The following RAD51B variants were observed in gnomAD, a reference collection of about 807,000 sequenced individuals.
RAD51B encodes the protein RAD51 paralog B, also known as DNA repair protein RAD51 homolog 2.
RAD51B carries 38 observed loss-of-function variants against 42.2 expected under a neutral mutation model. The observed-to-expected ratio is 0.90, with a 90% CI of 0.70 to 1.18. The LOEUF is 1.18. RAD51B is among the 50% of genes most tolerant of loss of function. The pLI is 0.00. For synonymous variants in RAD51B, 154 were observed against 145.2 expected (o/e 1.06, Z -0.43); for missense variants, 373 against 400.7 (o/e 0.93, Z 0.59).
chr14:68,339,723 C>T (rs1272164182), intron 8 of RAD51B, among the ~76,000 whole-genome samples: 2 of 152,164 alleles, frequency 1.3e-5, no homozygotes, highest in East Asian at 3.8e-4. Flanking sequence ...GTACTGTTCT[C>T]TCTCTAAGCC....
intron 10 of RAD51B, among the ~76,000 whole-genome samples, chr14:68,549,449 T>A (rs1237080019): frequency 8.6e-6 from 1 of 115,700 alleles, no homozygotes; most frequent in Non-Finnish European, 1.7e-5. Flanking sequence ...GGAGTTTCGC[T>A]CTGTCGCCCA....
At chr14:68,258,307 G>A (rs1475017335) in intron 7 of RAD51B, among the ~76,000 whole-genome samples, 1 of 151,914 alleles carries the variant, frequency 6.6e-6, no homozygotes. Context: ...AGGCTGAGGC[G>A]GGAGGATCGC....
intron 7 of RAD51B, among the ~76,000 whole-genome samples, chr14:68,206,229 G>A (rs928771143): frequency 6.6e-6 from 1 of 152,224 alleles, no homozygotes. Flanking sequence ...TATCACATCT[G>A]CAGGCACATA....
chr14:67,951,881 A>G (rs890980308), intron 7 of RAD51B, among the ~76,000 whole-genome samples: 7 of 152,156 alleles, frequency 4.6e-5, no homozygotes, highest in Admixed American at 2.0e-4. Context: ...ATTTTCTAGC[A>G]TATGGAAACA....
rs547094375 is a variant in RAD51B at position 68,523,920 on chromosome 14, G to A, written c.1036+55670G>A. Among the ~76,000 whole-genome samples the A allele has an allele frequency of 1.2e-4, 18 of 152,322 alleles. No individual in the cohort carries two copies. The South Asian group carries it at 1.5e-3, about 12-fold the overall frequency. ...CATATTGCTTAGGAATGTGTCTGTC[G>A]TGCTCAAAATGGAGTGAATATCAAT... On this transcript the variant is annotated intron_variant, in intron 10 of 10. Transcript: ENST00000487270.
chr14:67,917,854 G>C (rs957578595), intron 7 of RAD51B, among the ~76,000 whole-genome samples: 1 of 152,090 alleles, frequency 6.6e-6, no homozygotes, highest in Non-Finnish European at 1.5e-5. Context: ...ATGTCTGTTT[G>C]GCATTCTTGC....
chr14:68,514,870 G>A (rs571634010), intron 10 of RAD51B, among the ~76,000 whole-genome samples: 14 of 152,136 alleles, frequency 9.2e-5, no homozygotes, highest in Admixed American at 2.6e-4. Context: ...TTTCATTTCC[G>A]ATAAGAAATA....
chr14:68,548,776 A>AT (rs962673494), intron 10 of RAD51B, among the ~76,000 whole-genome samples: 16 of 152,166 alleles, frequency 1.1e-4, no homozygotes, highest in Admixed American at 4.6e-4. Context: ...ACCCAGGATT[A>AT]TCCCCCCACC....
intron 7 of RAD51B, among the ~76,000 whole-genome samples, chr14:68,163,980 G>A (rs2078699558): frequency 6.6e-6 from 1 of 152,136 alleles, no homozygotes; most frequent in Admixed American, 6.5e-5. Flanking sequence ...TTTTTCTTGA[G>A]AAGAAATGTT....
chr14:68,655,651 G>A (rs966916032), intron 11 of RAD51B, among the ~76,000 whole-genome samples: 2 of 152,184 alleles, frequency 1.3e-5, no homozygotes, highest in African/African-American at 4.8e-5. Context: ...CACAGCCAGG[G>A]CCTGCCAGGG....
chr14:68,299,984 A>G (rs978298648), intron 8 of RAD51B, among the ~76,000 whole-genome samples: 6 of 152,162 alleles, frequency 3.9e-5, no homozygotes, highest in Non-Finnish European at 7.3e-5. Context: ...CCATTCAGCC[A>G]TAACAGTAAA....
chr14:68,522,746 G>T (rs1486167832), intron 10 of RAD51B, among the ~76,000 whole-genome samples: 1 of 152,192 alleles, frequency 6.6e-6, no homozygotes, highest in Non-Finnish European at 1.5e-5. Context: ...TGGGATTTGA[G>T]GGTGGCTTAG....
chr14:68,466,685 A>G (rs779777286), intron 9 of RAD51B, among the ~76,000 whole-genome samples: 19 of 152,198 alleles, frequency 1.2e-4, no homozygotes, highest in Non-Finnish European at 2.5e-4. Flanking sequence ...TTATGAAAAC[A>G]TAATCCAGAA....
chr14:68,307,903 T>G (rs1414255198), intron 8 of RAD51B, among the ~76,000 whole-genome samples: 2 of 152,228 alleles, frequency 1.3e-5, no homozygotes, highest in South Asian at 4.1e-4. Context: ...GGCTTTCATA[T>G]TCACGATTGA....
At chr14:68,384,471 G>T (rs911480631) in intron 8 of RAD51B, among the ~76,000 whole-genome samples, 1 of 152,156 alleles carries the variant, frequency 6.6e-6, no homozygotes, top group Non-Finnish European at 1.5e-5. Context: ...CTTATGAGAG[G>T]CACAGGGCAG....
chr14:68,604,457 C>T (rs1206267775), intron 10 of RAD51B, among the ~76,000 whole-genome samples: 3 of 152,254 alleles, frequency 2.0e-5, no homozygotes, highest in African/African-American at 7.2e-5. Flanking sequence ...GCTGCACCAG[C>T]CAGGCGGGGC....
intron 8 of RAD51B, among the ~76,000 whole-genome samples, chr14:68,391,225 A>G (rs756722642): frequency 7.4e-6 from 1 of 135,532 alleles, no homozygotes; most frequent in Non-Finnish European, 1.6e-5. Context: ...TTTCTTTTTC[A>G]CATTGTTTCT....
chr14:68,088,281 A>G (rs933132287), intron 7 of RAD51B, among the ~76,000 whole-genome samples: 13 of 151,648 alleles, frequency 8.6e-5, no homozygotes, highest in African/African-American at 3.1e-4. Flanking sequence ...ATAGAGAGAA[A>G]AGAGATAAAA....
chr14:68,023,010 C>G (rs759345797), intron 7 of RAD51B, among the ~76,000 whole-genome samples: 1 of 152,094 alleles, frequency 6.6e-6, no homozygotes, highest in Non-Finnish European at 1.5e-5. Flanking sequence ...GTTTAGTATT[C>G]TGTGGTATAT....
Sources: gnomAD v4.1 joint callset for allele counts (sites outside exome capture counted in the v4.1 genomes callset) on GRCh38, gnomAD v4.1.1 for gene constraint, MANE v1.5 for transcripts, NCBI Gene and HGNC (gene_info 2026-07-23, HGNC 2026-07-21) for gene names.